AOPEP: variants seen among roughly 807,000 people sequenced by gnomAD.
The protein encoded by AOPEP is aminopeptidase O.
Under a neutral mutation model 98.1 loss-of-function variants are expected in AOPEP, and 77 were observed. That is an observed-to-expected ratio of 0.78 (90% CI 0.65 to 0.95). The LOEUF (loss-of-function observed/expected upper bound fraction) is 0.95. Among genes scored for constraint, AOPEP ranks in the 40% least tolerant of loss-of-function variants. The pLI, the probability that AOPEP is intolerant of heterozygous loss-of-function variation, is 0.00. For missense variants in AOPEP, 1,024 were observed against 1,024.7 expected, an observed-to-expected ratio of 1.00 and a Z score of 0.01; for synonymous variants, 346 against 365.3, an observed-to-expected ratio of 0.95 and a Z score of 0.60.
At chr9:94,955,543 T>C (rs2058390975) in intron 8 of AOPEP, among the ~76,000 whole-genome samples, 1 of 152,222 alleles carries the variant, frequency 6.6e-6, no homozygotes, top group Non-Finnish European at 1.5e-5. Context: ...ACTCTCACTT[T>C]GCTGTCAGGT....
chr9:95,017,245 A>C (rs991974385), intron 13 of AOPEP, among the ~76,000 whole-genome samples: 1 of 152,098 alleles, frequency 6.6e-6, no homozygotes, highest in Admixed American at 6.5e-5. Flanking sequence ...ACAGTCACAC[A>C]TCACTTAATT....
At position 95,086,791 on chromosome 9, in the gene AOPEP, C is replaced by A; in HGVS notation, c.*114C>A. 1.0e-6 allele frequency: 1 copy of A among 988,022 alleles called. No individual in the cohort carries two copies. Among genetic ancestry groups the A allele is most frequent in the East Asian group, 1.1e-4 (1 of 8,778 alleles). The allele number at this position is 988,022 out of a possible 1,614,324, so 61.2% of individuals were successfully genotyped here. On this transcript the variant is annotated 3_prime_UTR_variant, in exon 17 of 17. Coordinates refer to ENST00000375315, the MANE Select transcript of AOPEP (RefSeq NM_001193329.3). ...ATTATGTGGCTGCTAAAGCCATCGG[C>A]CCACAGCCCTGTTCACATCTTGGTG...
At chr9:94,785,516 A>G (rs1844238331) in intron 3 of AOPEP, among the ~76,000 whole-genome samples, 1 of 152,208 alleles carries the variant, frequency 6.6e-6, no homozygotes, top group Admixed American at 6.5e-5. Context: ...CTTTCTGAGG[A>G]GGTCAGAAGT....
intron 16 of AOPEP, chr9:95,086,394 T>C (rs375952984): frequency 2.0e-6 from 2 of 985,290 alleles, no homozygotes; most frequent in South Asian, 9.4e-5. Flanking sequence ...GCTGAGACTT[T>C]CTGAGAACAG....
intron 5 of AOPEP, among the ~76,000 whole-genome samples, chr9:94,834,919 G>A (rs763773971): frequency 1.3e-5 from 2 of 152,068 alleles, no homozygotes; most frequent in Admixed American, 6.6e-5. Flanking sequence ...TTTTGAGGGA[G>A]ACAAACTCTG....
intron 5 of AOPEP, among the ~76,000 whole-genome samples, chr9:94,815,847 A>G (rs1181693820): frequency 6.6e-6 from 1 of 152,052 alleles, no homozygotes; most frequent in Non-Finnish European, 1.5e-5. Context: ...GGGTCCTTTC[A>G]GCCTTTTCAG....
chr9:95,098,920 G>A, the AOPEP span: 1 of 170,672 alleles, frequency 5.9e-6, no homozygotes, highest in African/African-American at 2.4e-5. Context: ...AGGTTCCCAG[G>A]CCCAGAGGCT....
At chr9:95,100,774 A>T in the AOPEP span, 5 of 225,516 alleles carry the variant, frequency 2.2e-5, no homozygotes. Flanking sequence ...GGGATTACAG[A>T]TGCATGCCAT....
chr9:95,037,518 A>C (rs534962746), intron 13 of AOPEP, among the ~76,000 whole-genome samples: 2 of 152,280 alleles, frequency 1.3e-5, no homozygotes, highest in African/African-American at 4.8e-5. Flanking sequence ...AGGAAGTTTA[A>C]CTTGCATTTT....
chr9:94,924,163 C>T lies in AOPEP; in HGVS notation c.1542C>T (p.Ala514=). Residue 514 remains alanine, a synonymous_variant, in exon 6 of 17, where the codon GCC becomes GCT. Coordinates refer to ENST00000375315, the MANE Select transcript of AOPEP (RefSeq NM_001193329.3). The stretch of plus-strand genomic sequence containing the variant: ...CTCACTTGGAGGATGTGTTTTGGGC[C>T]ACAGCACAGCAGGTGGGTTAAAGTG... ...FATHLEDVFW[A]TAQQLAPYEA... is the part of the protein sequence containing the mutation. The T allele has an allele frequency of 7.1e-7, 1 of 1,416,104 alleles. No homozygotes were observed. The highest frequency in any genetic ancestry group is 9.3e-7 in the Non-Finnish European group (1 of 1,075,890). 87.7% of individuals were successfully genotyped at this position (1,416,104 alleles called of 1,614,324 possible). A position where few individuals can be genotyped will look rare whatever the true frequency, so the allele number is the denominator to read the frequency against.
chr9:95,022,494 T>C lies in AOPEP; in HGVS notation c.2115+16878T>C, dbSNP rs372162517. Among the ~76,000 whole-genome samples, 34 of 152,292 alleles carry C rather than the reference T, an allele frequency of 2.2e-4. No individual in the cohort carries two copies. In the East Asian group the frequency reaches 2.5e-3, roughly 11 times the overall value. ...CTGGGACTACGGGTGCCCGCCACCA[T>C]GCCTGGCTAATTTTTTTTGTATTTT... On this transcript the variant is annotated intron_variant, in intron 13 of 16. Transcript: ENST00000375315.
intron 11 of AOPEP, among the ~76,000 whole-genome samples, chr9:94,981,905 A>T (rs1033907833): frequency 6.6e-6 from 1 of 152,194 alleles, no homozygotes; most frequent in East Asian, 1.9e-4. Context: ...TCTCTCAGGA[A>T]GACTTGCCTT....
At chr9:94,932,340 A>T in intron 7 of AOPEP, 1 of 963,174 alleles carries the variant, frequency 1.0e-6, no homozygotes, top group Non-Finnish European at 1.2e-6. Flanking sequence ...TAACAAAGTG[A>T]AAAGAGAAAA....
chr9:95,105,573 T>C, the AOPEP span, among the ~76,000 whole-genome samples: 9 of 152,242 alleles, frequency 5.9e-5, no homozygotes, highest in Admixed American at 3.9e-4. Flanking sequence ...TTTGGTGGCA[T>C]GCAGTATGTT....
intron 13 of AOPEP, among the ~76,000 whole-genome samples, chr9:95,059,092 G>A (rs540751053): frequency 2.2e-4 from 34 of 152,324 alleles, no homozygotes; most frequent in African/African-American, 7.5e-4. Flanking sequence ...TTTTAATACC[G>A]TATGGTGGAT....
At chr9:95,116,097 C>T in the AOPEP span, among the ~76,000 whole-genome samples, 2 of 152,250 alleles carry the variant, frequency 1.3e-5, no homozygotes, top group Non-Finnish European at 2.9e-5. Context: ...GTTACACAAA[C>T]GGAAAGGTAA....
chr9:94,758,287 G>A (rs1837507506), intron 1 of AOPEP, among the ~76,000 whole-genome samples: 1 of 152,168 alleles, frequency 6.6e-6, no homozygotes, highest in Non-Finnish European at 1.5e-5. Context: ...TAGGCCCTTT[G>A]GCTAGAGGAC....
Position 94,760,384 on chromosome 9 carries a change from G to A in AOPEP, c.601G>A (p.Glu201Lys), listed in dbSNP as rs1329899346. The A allele has an allele frequency of 5.6e-6, 9 of 1,613,988 alleles. No individual in the cohort carries two copies. In the Admixed American group the frequency reaches 1.5e-4, roughly 27 times the overall value. The change falls in exon 2 of 17, where the codon GAG (glutamate) becomes AAG (lysine). Residue 201 changes from glutamate to lysine, a missense_variant. By Grantham distance (56) the Glu-to-Lys change is moderately conservative. Coordinates refer to ENST00000375315, the MANE Select transcript of AOPEP (RefSeq NM_001193329.3). ...LVTLPANRWR[E>K]QLDYYARCSQ... ...GACTTTGCCTGCAAATCGTTGGAGG[G>A]AGCAGTTAGACTATTACGCTCGCTG...
intron 13 of AOPEP, among the ~76,000 whole-genome samples, chr9:95,035,827 A>T (rs1167141793): frequency 6.8e-6 from 1 of 147,404 alleles, no homozygotes; most frequent in Non-Finnish European, 1.5e-5. Context: ...AGCCCAGATA[A>T]TTTTTTTTTT....
Sources: allele counts gnomAD v4.1 joint callset (sites outside exome capture counted in the v4.1 genomes callset), GRCh38; gene constraint gnomAD v4.1.1; transcripts MANE v1.5; gene names NCBI Gene and HGNC (gene_info 2026-07-23, HGNC 2026-07-21).